RBM19: variants seen among roughly 807,000 people sequenced by gnomAD.
RBM19 encodes the protein probable RNA-binding protein 19.
Under a neutral mutation model 116.8 loss-of-function variants are expected in RBM19, and 94 were observed. That is an observed-to-expected ratio of 0.80 (90% confidence interval 0.68 to 0.95). RBM19 has a LOEUF of 0.95. RBM19 is among the 40% of genes least tolerant of loss of function. The pLI, the probability that RBM19 is intolerant of heterozygous loss-of-function variation, is 0.00. For synonymous variants in RBM19, 475 were observed against 494.1 expected (o/e 0.96, Z 0.51); for missense variants, 1,161 against 1,220.7 (o/e 0.95, Z 0.73).
At chr12:113,891,231 C>T (rs137977007) in intron 21 of RBM19, among the ~76,000 whole-genome samples, 98 of 152,366 alleles carry the variant, frequency 6.4e-4, no homozygotes, top group African/African-American at 1.6e-3. Flanking sequence ...CCATCTCCTG[C>T]CCTGTCCTGT....
At chr12:113,938,323 G>GACTGAGAGCTT (rs1743763687) in intron 15 of RBM19, among the ~76,000 whole-genome samples, 1 of 152,260 alleles carries the variant, frequency 6.6e-6, no homozygotes, top group African/African-American at 2.4e-5. Context: ...AGTGGCCACA[G>GACTGAGAGCTT]AGTCCCAAGC....
intron 18 of RBM19, among the ~76,000 whole-genome samples, chr12:113,921,331 A>G (rs988857519): frequency 2.6e-5 from 4 of 152,146 alleles, no homozygotes; most frequent in Admixed American, 6.5e-5. Flanking sequence ...TAGGGCACTA[A>G]AAAACATTAA....
chr12:113,862,565 C>T (rs117667383), intron 21 of RBM19, among the ~76,000 whole-genome samples: 87 of 152,284 alleles, frequency 5.7e-4, no homozygotes, highest in Non-Finnish European at 1.0e-3. Context: ...GCAAGGTCTA[C>T]GAAGCTGTTT....
At chr12:113,866,449 CAG>C (rs1878815518) in intron 21 of RBM19, among the ~76,000 whole-genome samples, 1 of 152,142 alleles carries the variant, frequency 6.6e-6, no homozygotes, top group Non-Finnish European at 1.5e-5. Context: ...ATTTCTAAAT[CAG>C]AGTCAGGGCC....
intron 21 of RBM19, among the ~76,000 whole-genome samples, chr12:113,905,482 GTCAA>G (rs1881980341): frequency 6.6e-6 from 1 of 152,092 alleles, no homozygotes; most frequent in Non-Finnish European, 1.5e-5. Context: ...GATGTGAAGG[GTCAA>G]AGAGAAGCCT....
At chr12:113,818,398 A>AG (rs972894740), downstream of RBM19, among the ~76,000 whole-genome samples, 3 of 152,034 alleles carry the variant, frequency 2.0e-5, no homozygotes, top group African/African-American at 7.2e-5. Flanking sequence ...GCCAGTGGGC[A>AG]GGGGGGCACC....
chr12:113,916,098 G>A (rs1294773419), intron 20 of RBM19, among the ~76,000 whole-genome samples: 4 of 152,200 alleles, frequency 2.6e-5, no homozygotes, highest in African/African-American at 4.8e-5. Context: ...CATGTGGCTA[G>A]TTGAATCTAA....
chr12:113,853,318 TCTCCCTACTGCTGG>T (rs1877619495), intron 22 of RBM19, among the ~76,000 whole-genome samples: 1 of 152,132 alleles, frequency 6.6e-6, no homozygotes, highest in African/African-American at 2.4e-5. Context: ...CACCATCGCG[TCTCCCTACTGCTGG>T]CTCCCCCCAA....
chr12:113,964,928 A>G (rs1040270871), intron 1 of RBM19, among the ~76,000 whole-genome samples: 21 of 150,582 alleles, frequency 1.4e-4, no homozygotes, highest in African/African-American at 5.1e-4. Context: ...CCTTTGTCCC[A>G]CCTGACAAAT....
intron 21 of RBM19, among the ~76,000 whole-genome samples, chr12:113,894,397 G>A (rs1881178989): frequency 6.6e-6 from 1 of 152,184 alleles, no homozygotes; most frequent in South Asian, 2.1e-4. Flanking sequence ...GCCCTCTCCA[G>A]CCTGAGAAAT....
intron 21 of RBM19, among the ~76,000 whole-genome samples, chr12:113,868,380 CA>C (rs34773361): frequency 0.12 from 17,561 of 152,192 alleles, 1,185 homozygotes; most frequent in Non-Finnish European, 0.16. Flanking sequence ...CAGAGAATTT[CA>C]TAAAAATAGA....
rs201078341 is a variant in RBM19 at position 113,825,296 on chromosome 12, C to T, written c.2786-1975G>A. Among the ~76,000 whole-genome samples, 25 of 152,232 alleles carry T rather than the reference C, an allele frequency of 1.6e-4. No homozygotes were observed. The highest frequency in any genetic ancestry group is 2.9e-4 in the Non-Finnish European group (20 of 68,008). On this transcript the variant is annotated intron_variant, in intron 23 of 23. Transcript: ENST00000261741. This position sits in a 1 kb window ranked among gnomAD's most constrained non-coding sequence, Gnocchi z 5.7. ...AGAGCCTCAAGGCCTTGCAGCTCTACCCATCATTGTTAATCATGAAAAGGG... is the reference window on the plus strand; with the variant it reads ...AGAGCCTCAAGGCCTTGCAGCTCTATCCATCATTGTTAATCATGAAAAGGG...
chr12:113,965,569 A>T lies in RBM19; in HGVS notation c.36+623T>A, dbSNP rs556572453. 2.6e-5 allele frequency among the ~76,000 whole-genome samples: 4 copies of T among 152,268 alleles called. No homozygotes were observed. In the East Asian group the frequency reaches 7.7e-4, roughly 29 times the overall value. The stretch of plus-strand genomic sequence containing the variant: ...ACAGCGAGAGAGAGAAAAAAGGATG[A>T]TCCATTCGAGCCCACCGCATCTAAT... On this transcript the variant is annotated intron_variant, in intron 1 of 23. Coordinates refer to ENST00000261741, the MANE Select transcript of RBM19 (RefSeq NM_016196.4).
intron 23 of RBM19, among the ~76,000 whole-genome samples, chr12:113,826,602 C>A (rs1234155719): frequency 1.3e-5 from 2 of 152,136 alleles, no homozygotes; most frequent in Non-Finnish European, 2.9e-5. Context: ...CTTGGCCCCA[C>A]CTAAGGCTTT....
chr12:113,947,147 C>T (rs3782460), intron 11 of RBM19, among the ~76,000 whole-genome samples, 187 bp downstream of exon 11: 40,077 of 152,136 alleles, frequency 0.26, 5,653 homozygotes, highest in Middle Eastern at 0.41. Context: ...CAGATCAGAC[C>T]GTGCCCTCAC....
chr12:113,909,193 G>A (rs117611077), intron 21 of RBM19, among the ~76,000 whole-genome samples: 1,980 of 152,262 alleles, frequency 0.013, 13 homozygotes, highest in South Asian at 0.022. Flanking sequence ...CCTGATTATA[G>A]CTCACTGCAA....
At chr12:113,877,644 C>G (rs1037318461) in intron 21 of RBM19, among the ~76,000 whole-genome samples, 1 of 152,214 alleles carries the variant, frequency 6.6e-6, no homozygotes, top group Non-Finnish European at 1.5e-5. Context: ...AAGGGAAGAT[C>G]AGGATGGGTA....
intron 21 of RBM19, among the ~76,000 whole-genome samples, chr12:113,906,516 CTT>C: frequency 6.6e-6 from 1 of 152,266 alleles, no homozygotes; most frequent in South Asian, 2.1e-4. Flanking sequence ...TGCTCTGCCT[CTT>C]GAGCCAGGTG....
At chr12:113,944,531 C>T (rs970743034) in intron 13 of RBM19, among the ~76,000 whole-genome samples, 4 of 152,120 alleles carry the variant, frequency 2.6e-5, no homozygotes, top group African/African-American at 9.7e-5. Context: ...CTTTATATGA[C>T]TCCTGCCTGT....
Sources: allele counts gnomAD v4.1 joint callset (sites outside exome capture counted in the v4.1 genomes callset), GRCh38; gene constraint gnomAD v4.1.1; non-coding constraint Gnocchi (gnomAD v3.1); transcripts MANE v1.5; gene names NCBI Gene and HGNC (gene_info 2026-07-23, HGNC 2026-07-21).